The following GAL3ST1 variants were observed in gnomAD, a reference collection of about 807,000 sequenced individuals.
GAL3ST1 encodes galactose-3-O-sulfotransferase 1.
In GAL3ST1, 13 loss-of-function variants were observed where a neutral mutation model predicts 25.0. That is an observed-to-expected ratio of 0.52 (90% CI 0.34 to 0.83). The LOEUF is 0.83. Among genes scored for constraint, GAL3ST1 ranks in the 40% least tolerant of loss-of-function variants. The pLI is 0.02. For synonymous variants in GAL3ST1, 274 were observed against 277.8 expected (o/e 0.99, Z 0.14); for missense variants, 474 against 613.6 (o/e 0.77, Z 2.40).
chr22:30,555,753 T>C lies in GAL3ST1; in HGVS notation c.472A>G (p.Ile158Val), dbSNP rs1482576801. ...EVRGLVPTNA[I>V]FITVLRDPAR... The stretch of plus-strand genomic sequence containing the variant: ...GGGTCGCGGAGCACCGTGATGAAGA[T>C]GGCGTTGGTCGGCACCAGGCCGCGC... The change falls in exon 4 of 4, where the codon ATC (isoleucine) becomes GTC (valine). Residue 158 changes from isoleucine to valine, a missense_variant. Ile to Val is a conservative substitution (Grantham distance 29). Coordinates refer to ENST00000406361, the MANE Select transcript of GAL3ST1 (RefSeq NM_001318104.2). The surrounding 1 kb of genome is among the most constrained non-coding windows in gnomAD (Gnocchi z 8.6). The C allele has an allele frequency of 9.3e-6, 15 of 1,613,908 alleles. No homozygotes were observed. The highest frequency in any genetic ancestry group is 1.3e-5 in the Non-Finnish European group (15 of 1,180,026).
chr22:30,570,073 G>C (rs905164403), intron 1 of GAL3ST1, among the ~76,000 whole-genome samples: 2 of 152,148 alleles, frequency 1.3e-5, no homozygotes, highest in Non-Finnish European at 2.9e-5. Flanking sequence ...AACAGTGTGA[G>C]ACCCCATCTT....
In GAL3ST1 at chr22:30,555,764, G is replaced by C. The variant is rs770474761; in HGVS notation, c.461C>G (p.Pro154Arg). 1 of 1,614,022 alleles carries C rather than the reference G, an allele frequency of 6.2e-7. No individual in the cohort carries two copies. The highest frequency in any genetic ancestry group is 8.5e-7 in the Non-Finnish European group (1 of 1,180,038). The change falls in exon 4 of 4, where the codon CCG (proline) becomes CGG (arginine). Residue 154 changes from proline to arginine, a missense_variant. This residue lies in a region of GAL3ST1 where 359 missense variants were observed against 504.4 expected (regional missense o/e 0.71). Transcript: ENST00000406361. The surrounding 1 kb of genome is among the most constrained non-coding windows in gnomAD (Gnocchi z 8.6). The stretch of plus-strand genomic sequence containing the variant: ...CACCGTGATGAAGATGGCGTTGGTC[G>C]GCACCAGGCCGCGCACCTCGTCGTA... ...FHYDEVRGLV[P>R]TNAIFITVLR...
At chr22:30,556,677 G>A (rs1282307183) in intron 3 of GAL3ST1, among the ~76,000 whole-genome samples, 1 of 152,188 alleles carries the variant, frequency 6.6e-6, no homozygotes, top group Non-Finnish European at 1.5e-5. Context: ...GCCCTGTACA[G>A]ACAGTGTTAC....
chr22:30,556,032 C>G lies in GAL3ST1; in HGVS notation c.193G>C (p.Ala65Pro), dbSNP rs145255306. 6 of 1,612,718 alleles carry G rather than the reference C, an allele frequency of 3.7e-6. No homozygotes were observed. In the African/African-American group the frequency reaches 4.0e-5, roughly 11 times the overall value. The change falls in exon 4 of 4, where the codon GCC (alanine) becomes CCC (proline). Residue 65 changes from alanine (A) to proline (P), a missense_variant. By Grantham distance (27) the Ala-to-Pro change is conservative. Transcript: ENST00000406361. ...TGGCACTCCCCCGCCGAGCCGTTGGCCCGGATCACTGCCTCTGGCTCGAGT... is the reference window on the plus strand; with the variant it reads ...TGGCACTCCCCCGCCGAGCCGTTGGGCCGGATCACTGCCTCTGGCTCGAGT... The part of the protein sequence containing the change: ...PALEPEAVIR[A>P]NGSAGECQPR...
intron 1 of GAL3ST1, among the ~76,000 whole-genome samples, chr22:30,562,335 CCAGCT>C (rs1181488717): frequency 6.6e-6 from 1 of 152,018 alleles, no homozygotes; most frequent in Non-Finnish European, 1.5e-5. Context: ...CCACCCATGC[CCAGCT>C]AAGTTTTTAA....
rs561237133 is a variant in GAL3ST1, at chr22:30,569,929, A to G, written c.-120+4537T>C. ...GAGACCCCATCTGTATAAAAAATTT[A>G]AACATTAGCCCTGTGTGGTGGTGCA... On this transcript the variant is annotated intron_variant, in intron 1 of 3. Coordinates refer to ENST00000406361, the MANE Select transcript of GAL3ST1 (RefSeq NM_001318104.2). Among the ~76,000 whole-genome samples, 6 of 152,148 alleles carry G rather than the reference A, an allele frequency of 3.9e-5. No homozygotes were observed. In the East Asian group the frequency reaches 1.2e-3, roughly 30 times the overall value.
chr22:30,557,414 C>G lies in GAL3ST1; in HGVS notation c.-9-13G>C. ...GCATCTCAGACACCTGCAGGGGCAG[C>G]ACAGAGTAGGGCAAGTGTCAGGAAG... On this transcript the variant is annotated splice_polypyrimidine_tract_variant and intron_variant, in intron 2 of 3. Transcript: ENST00000406361. The G allele has an allele frequency of 6.2e-7, 1 of 1,613,854 alleles. No individual in the cohort carries two copies.
chr22:30,557,202 T>C (rs2146344008), intron 3 of GAL3ST1, 60 bp downstream of exon 3: 17 of 1,582,180 alleles, frequency 1.1e-5, no homozygotes, highest in Middle Eastern at 1.7e-4. Context: ...CAGGGCCCCA[T>C]GGGTGGGGTG....
At chr22:30,566,940 C>T (rs2086644406) in intron 1 of GAL3ST1, among the ~76,000 whole-genome samples, 2 of 151,930 alleles carry the variant, frequency 1.3e-5, no homozygotes, top group South Asian at 2.1e-4. Flanking sequence ...TCTACCCCCA[C>T]CCCCAGGAAA....
At position 30,574,541 on chromosome 22, in the gene GAL3ST1, G is replaced by T. The variant is rs2146448269; in HGVS notation, c.-195C>A. 6.8e-6 allele frequency: 1 copy of T among 147,810 alleles called. No individual in the cohort carries two copies. The highest frequency in any genetic ancestry group is 2.4e-5 in the African/African-American group (1 of 40,836). The allele number at this position is 147,810 out of a possible 1,614,324, so 9.2% of individuals were successfully genotyped here. On this transcript the variant is annotated 5_prime_UTR_variant, in exon 1 of 4. Coordinates refer to ENST00000406361, the MANE Select transcript of GAL3ST1 (RefSeq NM_001318104.2). Reference sequence around the variant, plus strand: ...GCCGCCCGGGCGCTCACTGGGCGGCGGGGCGCACCCGGCCGGGCCCCCCGC... The same window carrying T: ...GCCGCCCGGGCGCTCACTGGGCGGCTGGGCGCACCCGGCCGGGCCCCCCGC...
chr22:30,563,330 T>C (rs1188206158), intron 1 of GAL3ST1: 1 of 152,118 alleles, frequency 6.6e-6, no homozygotes, highest in South Asian at 2.1e-4. Context: ...GAAACATACA[T>C]GAAGATGGGG....
At chr22:30,568,449 G>C (rs1238945643) in intron 1 of GAL3ST1, among the ~76,000 whole-genome samples, 1 of 152,316 alleles carries the variant, frequency 6.6e-6, no homozygotes, top group Non-Finnish European at 1.5e-5. Context: ...CTGGATGAAC[G>C]GGGTGGTCTC....
chr22:30,558,946 T>C (rs915650396), intron 1 of GAL3ST1, among the ~76,000 whole-genome samples: 2 of 151,956 alleles, frequency 1.3e-5, no homozygotes, highest in South Asian at 4.2e-4. Flanking sequence ...TCACCTGAGG[T>C]CAGGAGTTTG....
rs1337811414 is a variant in GAL3ST1 at position 30,555,941 on chromosome 22, A to G, written c.284T>C (p.Leu95Pro). The part of the protein sequence containing the change: ...KTASSTLLNI[L>P]FRFGQKHRLK... Reference sequence around the variant, plus strand: ...CCGGTGCTTCTGGCCGAAGCGGAACAGGATGTTGAGCAGGGTGCTGCTGGC... The same window carrying G: ...CCGGTGCTTCTGGCCGAAGCGGAACGGGATGTTGAGCAGGGTGCTGCTGGC... Residue 95 changes from leucine to proline, a missense_variant, in exon 4 of 4, where the codon CTG (leucine) becomes CCG (proline). Around this residue, in one of 2 missense-constraint regions of GAL3ST1, gnomAD observed 359 missense variants for 504.4 expected, o/e 0.71. Coordinates refer to ENST00000406361, the MANE Select transcript of GAL3ST1 (RefSeq NM_001318104.2). This position sits in a 1 kb window ranked among gnomAD's most constrained non-coding sequence, Gnocchi z 8.6. 2 of 1,614,114 alleles carry G rather than the reference A, an allele frequency of 1.2e-6. No homozygotes were observed. Among genetic ancestry groups the G allele is most frequent in the Non-Finnish European group, 1.7e-6 (2 of 1,180,020 alleles).
In GAL3ST1 at chr22:30,554,834, C is replaced by T. The variant is rs1389952281; in HGVS notation, c.*119G>A. On this transcript the variant is annotated 3_prime_UTR_variant, in exon 4 of 4. Transcript: ENST00000406361. ...GCTGCCTCCCCCCAGGGAGCCCCCC[C>T]TCACCCCGGGGTCTGAGGTGGCACC... The T allele has an allele frequency of 1.7e-5, 13 of 770,492 alleles. No individual in the cohort carries two copies. Among genetic ancestry groups the T allele is most frequent in the African/African-American group, 3.6e-5 (2 of 56,002 alleles). The allele number at this position is 770,492 out of a possible 1,614,324, so 47.7% of individuals were successfully genotyped here.
intron 3 of GAL3ST1, among the ~76,000 whole-genome samples, chr22:30,556,635 C>T (rs1033529379): frequency 1.3e-5 from 2 of 152,164 alleles, no homozygotes; most frequent in Non-Finnish European, 2.9e-5. Flanking sequence ...CCCACCAGGG[C>T]CCCGTTGGCA....
At chr22:30,572,832 G>C (rs887208254) in intron 1 of GAL3ST1, 3 of 152,412 alleles carry the variant, frequency 2.0e-5, no homozygotes, top group Non-Finnish European at 4.4e-5. Flanking sequence ...GAGCCCTTCA[G>C]GAGCCTGCAG....
intron 1 of GAL3ST1, among the ~76,000 whole-genome samples, chr22:30,567,682 T>TTTGTTG (rs533508188): frequency 6.6e-6 from 1 of 152,060 alleles, no homozygotes; most frequent in Non-Finnish European, 1.5e-5. Context: ...TTGGTTGTTT[T>TTTGTTG]TTGTTGTTGT....
intron 3 of GAL3ST1, among the ~76,000 whole-genome samples, chr22:30,556,721 T>G (rs183979875): frequency 6.6e-6 from 1 of 151,920 alleles, no homozygotes; most frequent in Non-Finnish European, 1.5e-5. Flanking sequence ...AGGCTCTGGG[T>G]TTTTTTTGTT....
Sources: allele counts gnomAD v4.1 joint callset (sites outside exome capture counted in the v4.1 genomes callset), GRCh38; gene constraint gnomAD v4.1.1; regional missense constraint gnomAD v4.1.1; non-coding constraint Gnocchi (gnomAD v3.1); transcripts MANE v1.5; gene names NCBI Gene and HGNC (gene_info 2026-07-23, HGNC 2026-07-21).